Variants in AGTPBP1 observed in about 807,000 individuals in gnomAD.
The protein encoded by AGTPBP1 is cytosolic carboxypeptidase 1.
Under a neutral mutation model 143.9 loss-of-function variants are expected in AGTPBP1, and 70 were observed. The ratio of observed to expected loss-of-function variants is 0.49; its 90% CI spans 0.40 to 0.59. The LOEUF (loss-of-function observed/expected upper bound fraction) is 0.59, where lower values mean the gene tolerates loss of function less well. Ranked by LOEUF, AGTPBP1 falls within the 20% of genes least tolerant of loss-of-function variation. The probability of loss-of-function intolerance (pLI) is 0.00; values close to 1 mark genes in which losing one functional copy is unlikely to be tolerated. For synonymous variants in AGTPBP1, 463 were observed against 500.2 expected (o/e 0.93, Z 0.99); for missense variants, 1,229 against 1,464.5 (o/e 0.84, Z 2.62).
At chr9:85,620,639 G>A (rs1830874442) in intron 15 of AGTPBP1, among the ~76,000 whole-genome samples, 1 of 152,028 alleles carries the variant, frequency 6.6e-6, no homozygotes, top group African/African-American at 2.4e-5. Flanking sequence ...GATGATATCA[G>A]TGACAATCCT....
intron 17 of AGTPBP1, among the ~76,000 whole-genome samples, chr9:85,599,110 A>ACACACACACAC (rs1829489991): frequency 7.4e-6 from 1 of 135,430 alleles, no homozygotes; most frequent in African/African-American, 2.8e-5. Context: ...CTTGTCACTG[A>ACACACACACAC]ACACACACAC....
the AGTPBP1 span, among the ~76,000 whole-genome samples, chr9:85,794,555 T>C: frequency 6.6e-6 from 1 of 152,230 alleles, no homozygotes; most frequent in African/African-American, 2.4e-5. Context: ...GTCTTGATTA[T>C]GTAGTAAATC....
At chr9:85,745,845 AG>A (rs1733858414), upstream of AGTPBP1, among the ~76,000 whole-genome samples, 1 of 152,218 alleles carries the variant, frequency 6.6e-6, no homozygotes, top group South Asian at 2.1e-4. Context: ...GCCTTTGGTA[AG>A]GCTTTTCTCT....
chr9:85,598,001 T>C (rs1198707572), intron 17 of AGTPBP1, among the ~76,000 whole-genome samples: 1 of 152,120 alleles, frequency 6.6e-6, no homozygotes, highest in Non-Finnish European at 1.5e-5. Context: ...CCATCACTTA[T>C]TAGAATAAAT....
intron 3 of AGTPBP1, among the ~76,000 whole-genome samples, chr9:85,688,243 T>G (rs1212457910): frequency 6.7e-6 from 1 of 150,354 alleles, no homozygotes; most frequent in East Asian, 2.0e-4. Context: ...TCTTTAAAAA[T>G]ATCAACAAAA....
chr9:85,739,590 C>T (rs1284298120), intron 1 of AGTPBP1, among the ~76,000 whole-genome samples: 1 of 151,944 alleles, frequency 6.6e-6, no homozygotes, highest in African/African-American at 2.4e-5. Context: ...CTCCTGTAAT[C>T]CCAGCTATTC....
the AGTPBP1 span, among the ~76,000 whole-genome samples, chr9:85,799,400 T>A: frequency 6.6e-6 from 1 of 152,188 alleles, no homozygotes; most frequent in Non-Finnish European, 1.5e-5. Context: ...CTTGAGGAAT[T>A]GCGACATTGT....
chr9:85,773,320 CTTTTTTTTTTTT>C, the AGTPBP1 span, among the ~76,000 whole-genome samples: 5 of 29,946 alleles, frequency 1.7e-4, no homozygotes, highest in South Asian at 1.2e-3. Flanking sequence ...CCAACAAATT[CTTTTTTTTTTTT>C]TTTTTTTTTT....
At chr9:85,660,691 TAAG>T (rs1833801988) in intron 9 of AGTPBP1, among the ~76,000 whole-genome samples, 1 of 152,120 alleles carries the variant, frequency 6.6e-6, no homozygotes, top group African/African-American at 2.4e-5. Flanking sequence ...TACTTAGAAA[TAAG>T]AAATCAATGT....
At chr9:85,669,821 T>TA (rs1292805108) in intron 7 of AGTPBP1, among the ~76,000 whole-genome samples, 7 of 149,002 alleles carry the variant, frequency 4.7e-5, no homozygotes, top group Non-Finnish European at 1.0e-4. Flanking sequence ...ACCACTATTA[T>TA]AAAAAAAATT....
chr9:85,631,933 A>G (rs544686978), intron 14 of AGTPBP1, among the ~76,000 whole-genome samples: 1 of 152,326 alleles, frequency 6.6e-6, no homozygotes, highest in South Asian at 2.1e-4. Flanking sequence ...GCAATATTTA[A>G]TAATCTTATT....
the AGTPBP1 span, among the ~76,000 whole-genome samples, chr9:85,773,101 TA>T: frequency 1.3e-5 from 2 of 150,970 alleles, no homozygotes; most frequent in South Asian, 2.1e-4. Context: ...CCATCTCTAC[TA>T]AAAATACAAA....
chr9:85,605,754 A>G (rs1829951455), intron 17 of AGTPBP1, among the ~76,000 whole-genome samples: 1 of 152,070 alleles, frequency 6.6e-6, no homozygotes, highest in East Asian at 1.9e-4. Context: ...GAGGGATCAA[A>G]TTAAAGTATA....
At chr9:85,603,706 C>T (rs533639039) in intron 17 of AGTPBP1, among the ~76,000 whole-genome samples, 1 of 152,188 alleles carries the variant, frequency 6.6e-6, no homozygotes, top group Admixed American at 6.5e-5. Context: ...CAGGCCTTGG[C>T]TTCTGGACAG....
chr9:85,692,555 T>TA, intron 3 of AGTPBP1, 134 bp downstream of exon 3: 1 of 1,084,796 alleles, frequency 9.2e-7, no homozygotes, highest in Non-Finnish European at 1.3e-6. Flanking sequence ...ATTACAGGTG[T>TA]GAGCCACCAC....
At chr9:85,741,620 A>T (rs1430464705) in intron 1 of AGTPBP1, 155 bp downstream of exon 1, 19 of 985,250 alleles carry the variant, frequency 1.9e-5, no homozygotes, top group Non-Finnish European at 2.3e-5. Flanking sequence ...CACGCGTCAC[A>T]TGTGTAACAT....
chr9:85,673,954 A>G (rs566150108), intron 6 of AGTPBP1, among the ~76,000 whole-genome samples: 1 of 150,420 alleles, frequency 6.6e-6, no homozygotes, highest in African/African-American at 2.4e-5. Context: ...CCCCGTCTCT[A>G]TTAAAAATAC....
chr9:85,583,185 C>T (rs1454766856), intron 23 of AGTPBP1, among the ~76,000 whole-genome samples: 1 of 152,256 alleles, frequency 6.6e-6, no homozygotes, highest in East Asian at 1.9e-4. Flanking sequence ...TAGTTGATGA[C>T]ACTGATTTTA....
intron 18 of AGTPBP1, among the ~76,000 whole-genome samples, chr9:85,595,468 T>C (rs936710792): frequency 4.3e-4 from 66 of 152,336 alleles, no homozygotes; most frequent in Non-Finnish European, 6.2e-4. Context: ...GAGGTGGAGC[T>C]GAAGAATAAT....
Sources: allele counts gnomAD v4.1 joint callset (sites outside exome capture counted in the v4.1 genomes callset), GRCh38; gene constraint gnomAD v4.1.1; transcripts MANE v1.5; gene names NCBI Gene and HGNC (gene_info 2026-07-23, HGNC 2026-07-21).